FAM117B: variants seen among roughly 807,000 people sequenced by gnomAD.
FAM117B encodes family with sequence similarity 117 member B.
Under a neutral mutation model 52.8 loss-of-function variants are expected in FAM117B, and 22 were observed. The observed-to-expected ratio is 0.42, with a 90% CI of 0.30 to 0.59. The LOEUF (loss-of-function observed/expected upper bound fraction) is 0.59. FAM117B is among the 20% of genes least tolerant of loss of function. The probability of loss-of-function intolerance (pLI) is 0.22; values close to 1 mark genes in which losing one functional copy is unlikely to be tolerated. For synonymous variants in FAM117B, 309 were observed against 324.1 expected (o/e 0.95, Z 0.50); for missense variants, 678 against 802.6 (o/e 0.84, Z 1.88).
chr2:202,727,653 T>C (rs1441715488), intron 4 of FAM117B, among the ~76,000 whole-genome samples: 1 of 152,194 alleles, frequency 6.6e-6, no homozygotes, highest in Non-Finnish European at 1.5e-5. Context: ...TAAATCATAA[T>C]GCACTTACCA....
intron 1 of FAM117B, among the ~76,000 whole-genome samples, chr2:202,658,402 C>T (rs1179104053): frequency 1.3e-5 from 2 of 152,104 alleles, no homozygotes; most frequent in Non-Finnish European, 2.9e-5. Context: ...CTCCTGGGTT[C>T]AGGTGATCCT....
intron 6 of FAM117B, 144 bp downstream of exon 6, chr2:202,757,582 T>C: frequency 1.1e-6 from 1 of 889,500 alleles, no homozygotes; most frequent in Non-Finnish European, 1.7e-6. Flanking sequence ...ATTTGGAGTG[T>C]AAACAGGTTT....
chr2:202,684,354 T>C (rs562029156), intron 1 of FAM117B, among the ~76,000 whole-genome samples: 133 of 152,346 alleles, frequency 8.7e-4, no homozygotes, highest in Admixed American at 1.6e-3. Flanking sequence ...CTAAAAGTTA[T>C]TTGTAACTCC....
chr2:202,721,297 A>G (rs1339245963), intron 2 of FAM117B, among the ~76,000 whole-genome samples: 1 of 152,216 alleles, frequency 6.6e-6, no homozygotes, highest in Non-Finnish European at 1.5e-5. Flanking sequence ...AAGTTTTCAT[A>G]TAAATAGTAA....
chr2:202,746,336 G>C (rs1691632430), intron 4 of FAM117B, among the ~76,000 whole-genome samples: 1 of 152,028 alleles, frequency 6.6e-6, no homozygotes, highest in African/African-American at 2.4e-5. Context: ...CAGATACATG[G>C]AAGTTAACAT....
intron 1 of FAM117B, among the ~76,000 whole-genome samples, chr2:202,676,834 C>G (rs1482724715): frequency 6.6e-6 from 1 of 152,172 alleles, no homozygotes; most frequent in Non-Finnish European, 1.5e-5. Flanking sequence ...TTTTGTCCGT[C>G]ATGATACAGA....
At chr2:202,697,335 C>A (rs1182332176) in intron 2 of FAM117B, among the ~76,000 whole-genome samples, 1 of 152,076 alleles carries the variant, frequency 6.6e-6, no homozygotes, top group Non-Finnish European at 1.5e-5. Flanking sequence ...GGACTTAATA[C>A]TAAATGCAGA....
intron 6 of FAM117B, among the ~76,000 whole-genome samples, chr2:202,758,628 A>G (rs1423466744): frequency 6.6e-6 from 1 of 152,242 alleles, no homozygotes; most frequent in Non-Finnish European, 1.5e-5. Flanking sequence ...TGAGGATATC[A>G]GCACTAAACA....
intron 1 of FAM117B, among the ~76,000 whole-genome samples, chr2:202,643,869 C>T (rs1357840180): frequency 6.6e-6 from 1 of 151,982 alleles, no homozygotes; most frequent in Non-Finnish European, 1.5e-5. Flanking sequence ...AGCACCATTC[C>T]CTGCTAATTT....
chr2:202,758,689 A>T (rs1311429012), intron 6 of FAM117B, among the ~76,000 whole-genome samples: 1 of 152,242 alleles, frequency 6.6e-6, no homozygotes, highest in Non-Finnish European at 1.5e-5. Context: ...ATTTAGAAAG[A>T]TTTCAAAAAA....
intron 1 of FAM117B, among the ~76,000 whole-genome samples, chr2:202,660,239 T>G (rs1690109081): frequency 6.6e-6 from 1 of 151,998 alleles, no homozygotes; most frequent in Non-Finnish European, 1.5e-5. Flanking sequence ...TGTCTCCTGC[T>G]TGTTTGTACA....
chr2:202,765,336 G>A (rs1317084504), intron 7 of FAM117B, 110 bp from the exon 8 acceptor site: 2 of 1,069,198 alleles, frequency 1.9e-6, no homozygotes, highest in African/African-American at 1.6e-5. Flanking sequence ...TTTCTGTGAT[G>A]TAAGTTAACT....
At chr2:202,744,493 T>C (rs890589075) in intron 4 of FAM117B, among the ~76,000 whole-genome samples, 3 of 152,178 alleles carry the variant, frequency 2.0e-5, no homozygotes, top group Non-Finnish European at 4.4e-5. Context: ...TTCAATATTG[T>C]GCATCAGATT....
intron 2 of FAM117B, among the ~76,000 whole-genome samples, chr2:202,702,702 C>T (rs1311906327): frequency 2.6e-5 from 4 of 151,946 alleles, no homozygotes; most frequent in South Asian, 2.1e-4. Context: ...TACAGGCGCC[C>T]GCCACCACAC....
chr2:202,635,058 C>G lies in FAM117B; in HGVS notation c.-130C>G, dbSNP rs931898456. ...CTGCCTGCCCCGGCCCGGTCTCCCC[C>G]TGCACCCCGGAGTCCGGCTTCGTCA... On this transcript the variant is annotated 5_prime_UTR_variant, in exon 1 of 8. Transcript: ENST00000392238. The G allele has an allele frequency of 3.3e-6, 4 of 1,204,120 alleles. No individual in the cohort carries two copies. Among genetic ancestry groups the G allele is most frequent in the Non-Finnish European group, 4.2e-6 (4 of 955,068 alleles). The allele number at this position is 1,204,120 out of a possible 1,614,324, so 74.6% of individuals were successfully genotyped here. A position where few individuals can be genotyped will look rare whatever the true frequency, so the allele number is the denominator to read the frequency against.
At chr2:202,737,689 C>T (rs1472310517) in intron 4 of FAM117B, among the ~76,000 whole-genome samples, 2 of 152,002 alleles carry the variant, frequency 1.3e-5, no homozygotes, top group Non-Finnish European at 2.9e-5. Flanking sequence ...GCAGCCTCTG[C>T]CTCTTGGGTT....
At chr2:202,710,376 G>T (rs1273898090) in intron 2 of FAM117B, among the ~76,000 whole-genome samples, 2 of 151,922 alleles carry the variant, frequency 1.3e-5, no homozygotes, top group Non-Finnish European at 2.9e-5. Flanking sequence ...TTTTGGTGCT[G>T]TTGTAAATGA....
chr2:202,707,294 C>T (rs1262288961), intron 2 of FAM117B, among the ~76,000 whole-genome samples: 3 of 151,744 alleles, frequency 2.0e-5, no homozygotes, highest in Non-Finnish European at 4.4e-5. Context: ...AAGCCATCCT[C>T]CTCCCTCAGC....
chr2:202,641,582 T>C (rs988223882), intron 1 of FAM117B, among the ~76,000 whole-genome samples: 4 of 152,090 alleles, frequency 2.6e-5, no homozygotes, highest in African/African-American at 9.7e-5. Context: ...TTTCAAGGAA[T>C]AAAATCTTTG....
Sources: allele counts gnomAD v4.1 joint callset (sites outside exome capture counted in the v4.1 genomes callset), GRCh38; gene constraint gnomAD v4.1.1; transcripts MANE v1.5; gene names NCBI Gene and HGNC (gene_info 2026-07-23, HGNC 2026-07-21).